SIPA1L1: variants seen among roughly 807,000 people sequenced by gnomAD.
SIPA1L1 encodes the protein signal induced proliferation associated 1 like 1, also known as signal-induced proliferation-associated 1-like protein 1.
In SIPA1L1, 26 loss-of-function variants were observed where a neutral mutation model predicts 162.7. The ratio of observed to expected loss-of-function variants is 0.16; its 90% confidence interval spans 0.12 to 0.22. The LOEUF (loss-of-function observed/expected upper bound fraction) is 0.22, where lower values mean the gene tolerates loss of function less well. SIPA1L1 is among the 10% of genes least tolerant of loss of function. The pLI, the probability that SIPA1L1 is intolerant of heterozygous loss-of-function variation, is 1.00. For synonymous variants in SIPA1L1, 829 were observed against 837.4 expected (o/e 0.99, Z 0.17); for missense variants, 1,874 against 2,241.0 (o/e 0.84, Z 3.31).
intron 5 of SIPA1L1, chr14:71,598,331 G>A (rs2036288061): frequency 1.8e-6 from 1 of 554,420 alleles, no homozygotes; most frequent in Non-Finnish European, 2.3e-6. Flanking sequence ...ATGATCTCCA[G>A]GTATCTCCCT....
At chr14:71,616,241 A>T (rs2038818950) in intron 5 of SIPA1L1, among the ~76,000 whole-genome samples, 1 of 152,170 alleles carries the variant, frequency 6.6e-6, no homozygotes, top group East Asian at 1.9e-4. Flanking sequence ...AGAAGACATG[A>T]AGTGATCATC....
At chr14:71,570,114 TC>T (rs2031671835) in intron 4 of SIPA1L1, among the ~76,000 whole-genome samples, 1 of 152,172 alleles carries the variant, frequency 6.6e-6, no homozygotes, top group African/African-American at 2.4e-5. Flanking sequence ...CATAGTGTTT[TC>T]CCCTCTATCC....
At chr14:71,685,781 G>A (rs1200180889) in intron 13 of SIPA1L1, 150 bp downstream of exon 13, 3 of 1,027,814 alleles carry the variant, frequency 2.9e-6, no homozygotes, top group South Asian at 1.7e-5. Flanking sequence ...TCAAAGCATG[G>A]TAGTGTTCCA....
chr14:71,523,768 A>G (rs1017932577), intron 3 of SIPA1L1, among the ~76,000 whole-genome samples: 2 of 152,148 alleles, frequency 1.3e-5, no homozygotes, highest in Non-Finnish European at 2.9e-5. Context: ...TTTATTTTTT[A>G]TCACTATGGA....
intron 22 of SIPA1L1, among the ~76,000 whole-genome samples, chr14:71,735,773 C>T (rs975524229): frequency 2.6e-5 from 4 of 152,130 alleles, no homozygotes; most frequent in African/African-American, 7.2e-5. Flanking sequence ...CTTATACATG[C>T]GCTTGCTGAG....
intron 7 of SIPA1L1, among the ~76,000 whole-genome samples, chr14:71,627,131 C>CTTTTTTTTTTTTTTTTTTTTTT (rs71105788): frequency 4.1e-5 from 2 of 48,788 alleles, no homozygotes; most frequent in African/African-American, 8.2e-5. Context: ...ACTTTCACTA[C>CTTTTTTTTTTTTTTTTTTTTTT]TTTTTTTTTT....
intron 4 of SIPA1L1, among the ~76,000 whole-genome samples, chr14:71,531,985 C>A (rs1372710558): frequency 2.0e-5 from 3 of 151,882 alleles, no homozygotes; most frequent in Non-Finnish European, 4.4e-5. Context: ...GATAAAGTAT[C>A]AGAGAAAAAT....
At chr14:71,429,723 A>G (rs778443420) in intron 2 of SIPA1L1, among the ~76,000 whole-genome samples, 7 of 152,132 alleles carry the variant, frequency 4.6e-5, no homozygotes, top group African/African-American at 1.7e-4. Flanking sequence ...CTTTAGTCCT[A>G]TATGTTTATA....
intron 2 of SIPA1L1, among the ~76,000 whole-genome samples, chr14:71,357,115 C>T (rs1175138944): frequency 6.6e-6 from 1 of 152,100 alleles, no homozygotes; most frequent in Non-Finnish European, 1.5e-5. Context: ...AGTGCAGTGG[C>T]GTGATCGTAG....
chr14:71,409,917 G>C (rs574611799), intron 2 of SIPA1L1, among the ~76,000 whole-genome samples: 1 of 152,154 alleles, frequency 6.6e-6, no homozygotes, highest in Non-Finnish European at 1.5e-5. Context: ...TAAGGTTTAC[G>C]GGGCTTGCTT....
chr14:71,392,309 G>A (rs1038132143), intron 2 of SIPA1L1, among the ~76,000 whole-genome samples: 2 of 152,068 alleles, frequency 1.3e-5, no homozygotes, highest in East Asian at 1.9e-4. Context: ...CTTCTCACTC[G>A]CCTGTCACCG....
intron 12 of SIPA1L1, among the ~76,000 whole-genome samples, chr14:71,679,728 A>C (rs912465985): frequency 5.3e-5 from 8 of 152,190 alleles, no homozygotes; most frequent in Admixed American, 3.3e-4. Context: ...AAATAAAAGG[A>C]TGGAGGAAGA....
At chr14:71,392,846 C>T (rs530891514) in intron 2 of SIPA1L1, among the ~76,000 whole-genome samples, 2 of 152,310 alleles carry the variant, frequency 1.3e-5, no homozygotes, top group South Asian at 4.1e-4. Flanking sequence ...TTAGCTTACT[C>T]CCCTAGACCA....
rs543840569 is a variant in SIPA1L1 at position 71,708,022 on chromosome 14, T to G, written c.3766-1200T>G. Among the ~76,000 whole-genome samples, 31 of 125,876 alleles carry G rather than the reference T, an allele frequency of 2.5e-4. 1 individual carries two copies. The highest frequency in any genetic ancestry group is 1.6e-3 in the East Asian group (6 of 3,840). 82.6% of individuals were successfully genotyped at this position (125,876 alleles called of 152,430 possible). ...GGACATTTGTTTTTTGGTGTTTTTT[T>G]TTTTTTGTTTTTTTTTTTTTTTTTG... On this transcript the variant is annotated intron_variant, in intron 16 of 23. Coordinates refer to ENST00000381232, the MANE Select transcript of SIPA1L1 (RefSeq NM_001386936.1).
chr14:71,494,967 T>C (rs2143016040), intron 2 of SIPA1L1, among the ~76,000 whole-genome samples: 1 of 152,254 alleles, frequency 6.6e-6, no homozygotes, highest in Non-Finnish European at 1.5e-5. Context: ...TCGGGCTCAG[T>C]TGATCCTCCC....
At chr14:71,322,873 T>C (rs2033256888) in intron 2 of SIPA1L1, among the ~76,000 whole-genome samples, 1 of 152,262 alleles carries the variant, frequency 6.6e-6, no homozygotes, top group Non-Finnish European at 1.5e-5. Context: ...CAGTTCCTGC[T>C]TCTGCTCCTC....
At chr14:71,632,685 G>A (rs896911230) in intron 7 of SIPA1L1, among the ~76,000 whole-genome samples, 14 of 152,142 alleles carry the variant, frequency 9.2e-5, no homozygotes, top group Non-Finnish European at 1.5e-4. Flanking sequence ...TGAAAGCCAC[G>A]TGGGGAGTAG....
At position 71,685,414 on chromosome 14, in the gene SIPA1L1, G is replaced by C. The variant is rs1248582084; in HGVS notation, c.3157G>C (p.Gly1053Arg). The change falls in exon 13 of 24, where the codon GGT becomes CGT. Residue 1053 changes from glycine (G) to arginine (R), a missense_variant. By Grantham distance (125) the Gly-to-Arg change is moderately radical. Transcript: ENST00000381232. Reference sequence around the variant, plus strand: ...AGTGATGGAGTACAAAATGAATGAAGGTGTTTCATACGAATTCAAGTTTCC... The same window carrying C: ...AGTGATGGAGTACAAAATGAATGAACGTGTTTCATACGAATTCAAGTTTCC... ...MPVMEYKMNE[G>R]VSYEFKFPFR... 2.5e-6 allele frequency: 4 copies of C among 1,614,030 alleles called. No individual in the cohort carries two copies. The highest frequency in any genetic ancestry group is 3.4e-6 in the Non-Finnish European group (4 of 1,180,026).
At chr14:71,675,803 C>T (rs1006693658) in intron 12 of SIPA1L1, among the ~76,000 whole-genome samples, 1 of 152,202 alleles carries the variant, frequency 6.6e-6, no homozygotes, top group African/African-American at 2.4e-5. Context: ...GTCGCCAGGA[C>T]CCAGAGAGGG....
Sources: gnomAD v4.1 joint callset for allele counts (sites outside exome capture counted in the v4.1 genomes callset) on GRCh38, gnomAD v4.1.1 for gene constraint, MANE v1.5 for transcripts, NCBI Gene and HGNC (gene_info 2026-07-23, HGNC 2026-07-21) for gene names.